SWAP70: variants seen among roughly 807,000 people sequenced by gnomAD.
SWAP70 encodes switch-associated protein 70.
SWAP70 carries 34 observed loss-of-function variants against 80.2 expected under a neutral mutation model. The ratio of observed to expected loss-of-function variants is 0.42; its 90% CI spans 0.32 to 0.56. The LOEUF (loss-of-function observed/expected upper bound fraction) is 0.56. Among genes scored for constraint, SWAP70 ranks in the 20% least tolerant of loss-of-function variants. The pLI, the probability that SWAP70 is intolerant of heterozygous loss-of-function variation, is 0.09. For missense variants in SWAP70, 578 were observed against 690.7 expected (o/e 0.84, Z 1.83); for synonymous variants, 239 against 238.5 (o/e 1.00, Z -0.02).
rs116909678 is a variant in SWAP70 at position 9,729,008 on chromosome 11, T to C, written c.790-335T>C. ...CCTGGCTTAGGTGCTTCATATCCCA[T>C]AGGAGTTAATACCTCTTGTAACATC... On this transcript the variant is annotated intron_variant, in intron 5 of 11. Transcript: ENST00000318950. Among the ~76,000 whole-genome samples the C allele has an allele frequency of 2.0e-5, 3 of 152,270 alleles. No homozygotes were observed. The East Asian group carries it at 5.8e-4, about 29-fold the overall frequency.
chr11:9,747,012 T>G (rs6483654), intron 9 of SWAP70, among the ~76,000 whole-genome samples: 15,036 of 152,132 alleles, frequency 0.099, 1,870 homozygotes, highest in East Asian at 0.28. Flanking sequence ...CATAATATTG[T>G]TGCTCAAGCC....
intron 9 of SWAP70, chr11:9,741,949 A>AAAAAAAAAAAAAAAAAAAAAG (rs1851446031): frequency 6.7e-6 from 1 of 148,748 alleles, no homozygotes; most frequent in African/African-American, 2.5e-5. Context: ...AAAAAAAAAA[A>AAAAAAAAAAAAAAAAAAAAAG]AAAAAAAAAG....
chr11:9,724,999 T>G, intron 4 of SWAP70, 114 bp downstream of exon 4: 1 of 785,934 alleles, frequency 1.3e-6, no homozygotes, highest in Non-Finnish European at 2.0e-6. Flanking sequence ...CTGATTTCGT[T>G]TTTTTATTTT....
At chr11:9,668,852 A>C (rs971749053) in intron 1 of SWAP70, among the ~76,000 whole-genome samples, 7 of 152,230 alleles carry the variant, frequency 4.6e-5, no homozygotes, top group African/African-American at 1.7e-4. Context: ...GGATATATTC[A>C]CTAGATAAGG....
At chr11:9,740,723 C>G (rs975579426) in intron 9 of SWAP70, 1 of 264,878 alleles carries the variant, frequency 3.8e-6, no homozygotes, top group African/African-American at 2.2e-5. Context: ...CAGGCAGAGG[C>G]CTGTTCAGGC....
chr11:9,701,222 A>T (rs1221185433), intron 2 of SWAP70, among the ~76,000 whole-genome samples: 2 of 147,822 alleles, frequency 1.4e-5, no homozygotes, highest in African/African-American at 5.0e-5. Context: ...CCCAGGCTGG[A>T]GTGTGATGGT....
At chr11:9,667,332 A>G (rs1198295041) in intron 1 of SWAP70, among the ~76,000 whole-genome samples, 2 of 150,714 alleles carry the variant, frequency 1.3e-5, no homozygotes, top group Non-Finnish European at 3.0e-5. Flanking sequence ...GCTCACTGCA[A>G]CCTCCACTTC....
intron 1 of SWAP70, among the ~76,000 whole-genome samples, chr11:9,676,982 A>G (rs144263754): frequency 0.014 from 2,150 of 151,470 alleles, 23 homozygotes; most frequent in Non-Finnish European, 0.024. Context: ...GAATGTTTTC[A>G]GTCCACACTT....
At chr11:9,717,659 CAAAA>C (rs3049795) in intron 3 of SWAP70, among the ~76,000 whole-genome samples, 1 of 115,724 alleles carries the variant, frequency 8.6e-6, no homozygotes. Context: ...GACCTTGTCT[CAAAA>C]AAAAAAAAAA....
At chr11:9,678,836 C>T (rs1176029250) in intron 1 of SWAP70, among the ~76,000 whole-genome samples, 4 of 152,270 alleles carry the variant, frequency 2.6e-5, no homozygotes, top group African/African-American at 9.6e-5. Context: ...AGCACTCTCA[C>T]TCGCTTCCTT....
At chr11:9,671,670 A>ATTTCTATG (rs1850400822) in intron 1 of SWAP70, among the ~76,000 whole-genome samples, 2 of 18,532 alleles carry the variant, frequency 1.1e-4, no homozygotes, top group Non-Finnish European at 1.7e-4. Context: ...ATATAAATAT[A>ATTTCTATG]TATAAATAGA....
intron 3 of SWAP70, chr11:9,720,124 A>G (rs181223300): frequency 9.9e-5 from 98 of 985,334 alleles, no homozygotes; most frequent in Non-Finnish European, 1.1e-4. Flanking sequence ...TATTTAGTAT[A>G]ATTGAATAGT....
At chr11:9,687,979 T>C (rs551411829) in intron 1 of SWAP70, among the ~76,000 whole-genome samples, 1 of 152,304 alleles carries the variant, frequency 6.6e-6, no homozygotes, top group South Asian at 2.1e-4. Flanking sequence ...GAGAAATGTT[T>C]CCAGCACAGG....
intron 7 of SWAP70, among the ~76,000 whole-genome samples, chr11:9,736,691 A>ATTT (rs1196039180): frequency 2.6e-5 from 4 of 151,940 alleles, no homozygotes; most frequent in African/African-American, 9.7e-5. Flanking sequence ...TCTTTCTCTG[A>ATTT]TCTCTCATTT....
chr11:9,709,677 C>T (rs1457825046), intron 2 of SWAP70, among the ~76,000 whole-genome samples: 2 of 152,034 alleles, frequency 1.3e-5, no homozygotes, highest in African/African-American at 4.8e-5. Context: ...TTGGTAGAGA[C>T]AGGGTTTCAC....
chr11:9,664,833 G>A (rs898138201), intron 1 of SWAP70, among the ~76,000 whole-genome samples: 14 of 152,170 alleles, frequency 9.2e-5, no homozygotes, highest in African/African-American at 3.1e-4. Flanking sequence ...TTCTCCTTTG[G>A]GAGGCTTTTT....
chr11:9,674,465 T>C (rs2134423658), intron 1 of SWAP70, among the ~76,000 whole-genome samples: 1 of 151,974 alleles, frequency 6.6e-6, no homozygotes, highest in East Asian at 1.9e-4. Context: ...TTTGGAAAGC[T>C]GAGGCAGGAG....
At chr11:9,676,529 A>G (rs1300889242) in intron 1 of SWAP70, among the ~76,000 whole-genome samples, 1 of 152,074 alleles carries the variant, frequency 6.6e-6, no homozygotes, top group Non-Finnish European at 1.5e-5. Context: ...ACTTTAAATT[A>G]TCTCTAGATT....
intron 9 of SWAP70, among the ~76,000 whole-genome samples, chr11:9,743,675 T>G (rs1851472420): frequency 6.6e-6 from 1 of 151,834 alleles, no homozygotes; most frequent in Non-Finnish European, 1.5e-5. Context: ...TTTTCATGTG[T>G]TTTTTGGCTG....
Sources: gnomAD v4.1 joint callset for allele counts (sites outside exome capture counted in the v4.1 genomes callset) on GRCh38, gnomAD v4.1.1 for gene constraint, MANE v1.5 for transcripts, NCBI Gene and HGNC (gene_info 2026-07-23, HGNC 2026-07-21) for gene names.